Variants in DOCK8 observed in about 807,000 individuals in gnomAD.
DOCK8 encodes dedicator of cytokinesis 8, also known as dedicator of cytokinesis protein 8.
Under a neutral mutation model 245.6 loss-of-function variants are expected in DOCK8, and 141 were observed. The observed-to-expected ratio is 0.57, with a 90% CI of 0.50 to 0.66. The LOEUF (loss-of-function observed/expected upper bound fraction) is 0.66, where lower values mean the gene tolerates loss of function less well. Ranked by LOEUF, DOCK8 falls within the 30% of genes least tolerant of loss-of-function variation. DOCK8 has a pLI of 0.00. For synonymous variants in DOCK8, 1,168 were observed against 970.2 expected (o/e 1.20, Z -3.79); for missense variants, 2,965 against 2,603.4 (o/e 1.14, Z -3.02).
At chr9:389,493 C>T (rs1396815736) in intron 23 of DOCK8, among the ~76,000 whole-genome samples, 2 of 152,186 alleles carry the variant, frequency 1.3e-5, no homozygotes, top group African/African-American at 4.8e-5. Context: ...GATCCTGCTT[C>T]CCACAATGCC....
chr9:316,231 G>C (rs7032918), intron 6 of DOCK8, among the ~76,000 whole-genome samples: 81,169 of 152,010 alleles, frequency 0.53, 22,713 homozygotes, highest in African/African-American at 0.68. Flanking sequence ...CCCTTGCGAT[G>C]GGCAGAGCAC....
chr9:285,039 A>G (rs2048756754), intron 2 of DOCK8, among the ~76,000 whole-genome samples: 1 of 152,148 alleles, frequency 6.6e-6, no homozygotes, highest in Admixed American at 6.5e-5. Context: ...ACAAACCCCC[A>G]TGACATGACT....
At chr9:365,392 A>G (rs1171981109) in intron 14 of DOCK8, among the ~76,000 whole-genome samples, 2 of 152,318 alleles carry the variant, frequency 1.3e-5, no homozygotes, top group South Asian at 2.1e-4. Flanking sequence ...AGGGGGCTCT[A>G]TAACTTCAGT....
intron 42 of DOCK8, among the ~76,000 whole-genome samples, chr9:442,386 A>G (rs2057120856): frequency 6.6e-6 from 1 of 152,210 alleles, no homozygotes; most frequent in African/African-American, 2.4e-5. Context: ...GAAGTTTAGC[A>G]TCTTGACTTT....
chr9:295,819 G>T (rs1452648630), intron 4 of DOCK8, among the ~76,000 whole-genome samples: 1 of 152,156 alleles, frequency 6.6e-6, no homozygotes, highest in East Asian at 1.9e-4. Context: ...ATGGCCACTT[G>T]TGTTCCCTCC....
chr9:428,325 G>T (rs1359498576), intron 34 of DOCK8, 37 bp from the exon 35 acceptor site: 1 of 1,613,596 alleles, frequency 6.2e-7, no homozygotes, highest in Non-Finnish European at 8.5e-7. Context: ...TTGGCACAGT[G>T]CAGGGATTCA....
chr9:305,080 G>C (rs1246543158), intron 5 of DOCK8, among the ~76,000 whole-genome samples: 1 of 152,088 alleles, frequency 6.6e-6, no homozygotes, highest in African/African-American at 2.4e-5. Flanking sequence ...ATTCTACCAT[G>C]TACTAACTCT....
At position 449,933 on chromosome 9, in the gene DOCK8, C is replaced by A; in HGVS notation, c.5961+6C>A. On this transcript the variant is annotated splice_donor_region_variant and intron_variant, in intron 45 of 47. Transcript: ENST00000432829. ...TGGGAGCTACTGTAAATCAGGTAAG[C>A]AAAACCAGAGGTGGCAGCTCCTCTG... The A allele has an allele frequency of 1.2e-6, 2 of 1,613,688 alleles. No individual in the cohort carries two copies. The highest frequency in any genetic ancestry group is 1.3e-5 in the African/African-American group (1 of 75,020).
intron 12 of DOCK8, among the ~76,000 whole-genome samples, chr9:338,497 G>A (rs2051424864): frequency 6.6e-6 from 1 of 152,140 alleles, no homozygotes; most frequent in African/African-American, 2.4e-5. Flanking sequence ...TACCTTACTG[G>A]GTTGTTGTAA....
chr9:446,316 G>A, intron 43 of DOCK8, 54 bp from the exon 44 acceptor site: 3 of 1,478,308 alleles, frequency 2.0e-6, no homozygotes, highest in Non-Finnish European at 1.9e-6. Flanking sequence ...TTGCGTCAGG[G>A]ATGGCCGTTT....
intron 1 of DOCK8, among the ~76,000 whole-genome samples, chr9:222,828 A>G (rs528525365): frequency 5.3e-5 from 8 of 152,344 alleles, no homozygotes; most frequent in African/African-American, 1.7e-4. Context: ...TCTAGTTGCC[A>G]GACTTTAAAC....
chr9:287,900 A>G (rs1012053396), intron 3 of DOCK8, among the ~76,000 whole-genome samples: 1 of 152,184 alleles, frequency 6.6e-6, no homozygotes, highest in African/African-American at 2.4e-5. Flanking sequence ...GTAGCCAGTC[A>G]CCGCAGCTTG....
At chr9:211,761 C>T (rs906152148), upstream of DOCK8, among the ~76,000 whole-genome samples, 1 of 152,048 alleles carries the variant, frequency 6.6e-6, no homozygotes, top group Non-Finnish European at 1.5e-5. Flanking sequence ...GATCCAAAGA[C>T]CGTGTGACTT....
At chr9:250,586 G>A (rs755930584) in intron 1 of DOCK8, among the ~76,000 whole-genome samples, 16 of 152,012 alleles carry the variant, frequency 1.1e-4, no homozygotes, top group Non-Finnish European at 1.6e-4. Flanking sequence ...TTGCTTACCC[G>A]GAACCTTCCA....
chr9:240,953 T>A (rs2047361539), intron 1 of DOCK8, among the ~76,000 whole-genome samples: 1 of 152,204 alleles, frequency 6.6e-6, no homozygotes, highest in African/African-American at 2.4e-5. Flanking sequence ...ATATTGTTTC[T>A]TTTTCCTCTT....
chr9:331,411 G>C (rs2051007437), intron 9 of DOCK8, among the ~76,000 whole-genome samples: 1 of 152,190 alleles, frequency 6.6e-6, no homozygotes, highest in Admixed American at 6.5e-5. Flanking sequence ...GATATTCATT[G>C]AGTAGCCTCA....
intron 7 of DOCK8, 115 bp downstream of exon 7, chr9:317,243 A>C: frequency 2.3e-6 from 2 of 853,698 alleles, no homozygotes; most frequent in Non-Finnish European, 3.8e-6. Flanking sequence ...AATACGTCTA[A>C]CAGTGGGCAG....
Position 465,231 on chromosome 9 carries a change from G to A in DOCK8, c.*1012G>A, listed in dbSNP as rs1227393896. The A allele has an allele frequency of 6.6e-6, 1 of 152,610 alleles. No homozygotes were observed. The highest frequency in any genetic ancestry group is 1.5e-5 in the Non-Finnish European group (1 of 68,030). 9.5% of individuals were successfully genotyped at this position (152,610 alleles called of 1,614,324 possible). A position where few individuals can be genotyped will look rare whatever the true frequency, so the allele number is the denominator to read the frequency against. ...GACTGTGACCTTGACTGATAATAAA[G>A]ATGTAATAAGAATTGCAAGCTAAAT... is the stretch of plus-strand genomic sequence containing the variant. On this transcript the variant is annotated 3_prime_UTR_variant, in exon 48 of 48. Transcript: ENST00000432829.
chr9:213,803 A>C (rs2046664964), upstream of DOCK8: 1 of 149,482 alleles, frequency 6.7e-6, no homozygotes, highest in Non-Finnish European at 1.5e-5. Flanking sequence ...ATCTCGGTTC[A>C]CTGCAAGCTC....
Sources: allele counts gnomAD v4.1 joint callset (sites outside exome capture counted in the v4.1 genomes callset), GRCh38; gene constraint gnomAD v4.1.1; transcripts MANE v1.5; gene names NCBI Gene and HGNC (gene_info 2026-07-23, HGNC 2026-07-21).